Variants in TEX11 observed in about 807,000 individuals in gnomAD.
TEX11 encodes testis-expressed protein 11.
TEX11 carries 7 observed loss-of-function variants against 84.4 expected under a neutral mutation model. The ratio of observed to expected loss-of-function variants is 0.08; its 90% confidence interval spans 0.05 to 0.16. The LOEUF (loss-of-function observed/expected upper bound fraction) is 0.16. Ranked by LOEUF, TEX11 falls within the 10% of genes least tolerant of loss-of-function variation. The pLI is 1.00. For missense variants in TEX11, 551 were observed against 660.5 expected, an observed-to-expected ratio of 0.83 and a Z score of 1.82; for synonymous variants, 264 against 222.8, an observed-to-expected ratio of 1.18 and a Z score of -1.64.
chrX:70,844,332 G>A (rs1348945117), intron 7 of TEX11, among the ~76,000 whole-genome samples: 1 of 107,999 alleles, frequency 9.3e-6, no homozygotes, highest in Non-Finnish European at 1.9e-5. Flanking sequence ...GAAACTGGAA[G>A]CCATCATTCT....
chrX:70,744,484 G>T (rs2090755885), intron 9 of TEX11, among the ~76,000 whole-genome samples: 1 of 107,408 alleles, frequency 9.3e-6, no homozygotes, highest in Non-Finnish European at 1.9e-5. Flanking sequence ...TTTCCATTTG[G>T]CTATATATAT....
chrX:70,747,986 G>T (rs1256144407), intron 9 of TEX11, among the ~76,000 whole-genome samples: 1 of 109,268 alleles, frequency 9.2e-6, no homozygotes. Context: ...ATTGGAGCAG[G>T]CAAAAGAAAC....
In TEX11 at chrX:70,704,016, T is replaced by C. The variant is rs186234155; in HGVS notation, c.1004+18602A>G. On this transcript the variant is annotated intron_variant, in intron 13 of 29. Transcript: ENST00000374333. ...ATCCTTCATGAATGGTTTAGCACCA[T>C]CCCTTTGGTGCTATTCTCATGATGG... Among the ~76,000 whole-genome samples, 228 of 110,914 alleles carry C rather than the reference T, an allele frequency of 2.1e-3. 1 individual carries two copies. Among genetic ancestry groups the C allele is most frequent in the African/African-American group, 7.4e-3 (225 of 30,502 alleles).
At chrX:70,513,092 G>A in the TEX11 span, among the ~76,000 whole-genome samples, 2 of 108,685 alleles carry the variant, frequency 1.8e-5, no homozygotes, top group East Asian at 2.9e-4. Flanking sequence ...GATGGCTCAC[G>A]CCTGTAATCC....
intron 16 of TEX11, among the ~76,000 whole-genome samples, chrX:70,654,614 G>A: frequency 9.5e-6 from 1 of 105,608 alleles, no homozygotes. Flanking sequence ...GGGAGGCTGA[G>A]GCATGAGAAT....
At chrX:70,691,739 A>C (rs1454480248) in intron 13 of TEX11, among the ~76,000 whole-genome samples, 1 of 111,076 alleles carries the variant, frequency 9.0e-6, no homozygotes, top group African/African-American at 3.3e-5. Flanking sequence ...CTGGAGACTT[A>C]ATGTACAGCA....
chrX:70,882,383 T>A (rs1001341816), intron 2 of TEX11, among the ~76,000 whole-genome samples: 2 of 111,039 alleles, frequency 1.8e-5, no homozygotes, highest in Non-Finnish European at 3.8e-5. Flanking sequence ...CAGTGGGGGA[T>A]CTTGGCTCAC....
At chrX:70,569,479 G>A (rs1303244778) in intron 25 of TEX11, among the ~76,000 whole-genome samples, 3 of 111,552 alleles carry the variant, frequency 2.7e-5, no homozygotes, top group South Asian at 3.8e-4. Context: ...GAGGAGAGAC[G>A]CTCTGATTTT....
At chrX:70,624,228 AAG>A (rs1411660878) in intron 19 of TEX11, among the ~76,000 whole-genome samples, 3 of 112,246 alleles carry the variant, frequency 2.7e-5, no homozygotes, top group African/African-American at 9.7e-5. Context: ...AATTTAATAA[AAG>A]AGTTTTAAAA....
chrX:70,601,864 G>C (rs1247718484), intron 24 of TEX11, among the ~76,000 whole-genome samples: 1 of 108,442 alleles, frequency 9.2e-6, no homozygotes, highest in Non-Finnish European at 1.9e-5. Context: ...TAAGGTCACA[G>C]ATCAACAGGA....
At chrX:70,686,648 C>T (rs1316589522) in intron 13 of TEX11, among the ~76,000 whole-genome samples, 2 of 107,879 alleles carry the variant, frequency 1.9e-5, no homozygotes, top group Non-Finnish European at 3.8e-5. Context: ...CACACATATA[C>T]CTATGTAACA....
chrX:70,713,770 C>CT (rs1474764463), intron 13 of TEX11, among the ~76,000 whole-genome samples: 1 of 109,123 alleles, frequency 9.2e-6, no homozygotes, highest in Non-Finnish European at 1.9e-5. Flanking sequence ...TTTTTGAAGG[C>CT]TTTTTTGTGT....
At chrX:70,749,836 G>C (rs997126439) in intron 9 of TEX11, among the ~76,000 whole-genome samples, 1 of 109,860 alleles carries the variant, frequency 9.1e-6, no homozygotes, top group Non-Finnish European at 1.9e-5. Flanking sequence ...GTATTTTATC[G>C]AGGATTTTTG....
chrX:70,899,230 T>C (rs1031641832), intron 2 of TEX11, among the ~76,000 whole-genome samples: 2 of 111,864 alleles, frequency 1.8e-5, no homozygotes, highest in African/African-American at 6.5e-5. Context: ...AATATATGGC[T>C]ACTGAGCACT....
chrX:70,579,622 T>C (rs1177436156), intron 25 of TEX11, among the ~76,000 whole-genome samples: 1 of 111,163 alleles, frequency 9.0e-6, no homozygotes, highest in Non-Finnish European at 1.9e-5. Flanking sequence ...AGCAGATATA[T>C]ATACAGAGCT....
intron 17 of TEX11, 59 bp downstream of exon 17, chrX:70,651,391 A>G (rs1400655575): frequency 2.5e-6 from 2 of 803,484 alleles, no homozygotes; most frequent in Non-Finnish European, 3.6e-6. Context: ...CTGTGGTTGA[A>G]GAGGATTATT....
In TEX11 at chrX:70,617,778, A is replaced by G. The variant is rs185107421; in HGVS notation, c.1751+6172T>C. 2.6e-3 allele frequency among the ~76,000 whole-genome samples: 288 copies of G among 111,597 alleles called. 3 individuals carry two copies. Among genetic ancestry groups the G allele is most frequent in the African/African-American group, 8.6e-3 (266 of 30,771 alleles). On this transcript the variant is annotated intron_variant, in intron 20 of 29. Coordinates refer to ENST00000374333, the MANE Select transcript of TEX11 (RefSeq NM_031276.3). Reference sequence around the variant, plus strand: ...CACTCTAATTGGGAGGGCAGTGCCCAGAAAAACTCCATAATAAAATGGAAG... The same window carrying G: ...CACTCTAATTGGGAGGGCAGTGCCCGGAAAAACTCCATAATAAAATGGAAG...
intron 2 of TEX11, among the ~76,000 whole-genome samples, chrX:70,901,010 G>C (rs927277919): frequency 9.0e-6 from 1 of 111,526 alleles, no homozygotes; most frequent in South Asian, 3.8e-4. Context: ...GAGCTCAGGA[G>C]CTCAGGAGAC....
At chrX:70,904,986 A>C (rs1451436002) in intron 2 of TEX11, among the ~76,000 whole-genome samples, 2 of 112,019 alleles carry the variant, frequency 1.8e-5, no homozygotes, top group Non-Finnish European at 3.8e-5. Context: ...ACTGCCCTAG[A>C]GCCTCACCTA....
Sources: allele counts gnomAD v4.1 joint callset (sites outside exome capture counted in the v4.1 genomes callset), GRCh38; gene constraint gnomAD v4.1.1; transcripts MANE v1.5; gene names NCBI Gene and HGNC (gene_info 2026-07-23, HGNC 2026-07-21).